SAMD12: variants seen among roughly 807,000 people sequenced by gnomAD.
SAMD12 encodes the protein sterile alpha motif domain-containing protein 12.
SAMD12 carries 9 observed loss-of-function variants against 15.0 expected under a neutral mutation model. The ratio of observed to expected loss-of-function variants is 0.60; its 90% confidence interval spans 0.36 to 1.05. The LOEUF (loss-of-function observed/expected upper bound fraction) is 1.05, where lower values mean the gene tolerates loss of function less well. SAMD12 is among the 50% of genes least tolerant of loss of function. The probability of loss-of-function intolerance (pLI) is 0.01; values close to 1 mark genes in which losing one functional copy is unlikely to be tolerated. For synonymous variants in SAMD12, 86 were observed against 90.1 expected, an observed-to-expected ratio of 0.96 and a Z score of 0.25; for missense variants, 230 against 234.2, an observed-to-expected ratio of 0.98 and a Z score of 0.12.
the SAMD12 span, among the ~76,000 whole-genome samples, chr8:118,169,263 A>G: frequency 6.6e-6 from 1 of 152,236 alleles, no homozygotes; most frequent in Non-Finnish European, 1.5e-5. Context: ...TTAAAGTCCA[A>G]GAAACACAGT....
chr8:118,582,325 G>T (rs1224563569), intron 1 of SAMD12, among the ~76,000 whole-genome samples: 1 of 152,128 alleles, frequency 6.6e-6, no homozygotes, highest in African/African-American at 2.4e-5. Context: ...CACAGAAACT[G>T]ATGAGACATC....
the SAMD12 span, among the ~76,000 whole-genome samples, chr8:118,133,737 A>C: frequency 6.6e-6 from 1 of 151,818 alleles, no homozygotes; most frequent in African/African-American, 2.4e-5. Flanking sequence ...GTCTACCTTA[A>C]AAGTGGGTGG....
chr8:118,531,874 CAGGGACA>C (rs1825695224), intron 2 of SAMD12, among the ~76,000 whole-genome samples: 1 of 152,184 alleles, frequency 6.6e-6, no homozygotes, highest in African/African-American at 2.4e-5. Flanking sequence ...CAACTGCAAA[CAGGGACA>C]ATTCGACTTC....
chr8:118,618,835 T>A (rs1828315700), intron 1 of SAMD12, among the ~76,000 whole-genome samples: 1 of 103,122 alleles, frequency 9.7e-6, no homozygotes, highest in African/African-American at 2.9e-5. Flanking sequence ...CAAGACTCCG[T>A]CTCAAAAAAA....
At chr8:118,137,940 C>T in the SAMD12 span, among the ~76,000 whole-genome samples, 4 of 137,902 alleles carry the variant, frequency 2.9e-5, 1 homozygote, top group African/African-American at 5.4e-5. Flanking sequence ...TTTTTTTTTA[C>T]TTATGAGCTA....
At chr8:118,515,349 A>G (rs577404292) in intron 2 of SAMD12, among the ~76,000 whole-genome samples, 1 of 152,032 alleles carries the variant, frequency 6.6e-6, no homozygotes, top group Admixed American at 6.6e-5. Flanking sequence ...GGCTCCAGCC[A>G]CGTAAGATGC....
intron 4 of SAMD12, among the ~76,000 whole-genome samples, chr8:118,303,142 C>T (rs1204449807): frequency 6.6e-6 from 1 of 152,186 alleles, no homozygotes; most frequent in African/African-American, 2.4e-5. Context: ...TCATCCCCTT[C>T]AACACAGGAA....
chr8:118,272,453 C>T (rs756709658), intron 4 of SAMD12, among the ~76,000 whole-genome samples: 1 of 152,192 alleles, frequency 6.6e-6, no homozygotes, highest in African/African-American at 2.4e-5. Context: ...TCTGACTTAC[C>T]CTGGAGACAT....
intron 4 of SAMD12, among the ~76,000 whole-genome samples, chr8:118,315,214 C>T (rs1815832866): frequency 6.6e-6 from 1 of 152,176 alleles, no homozygotes; most frequent in Non-Finnish European, 1.5e-5. Context: ...TTCTCAACTG[C>T]TTTTTGTAGC....
At chr8:118,170,336 C>T in the SAMD12 span, among the ~76,000 whole-genome samples, 7,378 of 152,120 alleles carry the variant, frequency 0.049, 597 homozygotes, top group African/African-American at 0.17. Flanking sequence ...ACTGATATAT[C>T]TTATAAAATG....
the SAMD12 span, among the ~76,000 whole-genome samples, chr8:118,162,334 T>C: frequency 6.7e-6 from 1 of 149,986 alleles, no homozygotes; most frequent in Non-Finnish European, 1.5e-5. Flanking sequence ...TTTATTGTAA[T>C]GTAAAGTGTA....
At chr8:118,305,144 C>CA (rs56200866) in intron 4 of SAMD12, among the ~76,000 whole-genome samples, 674 of 48,876 alleles carry the variant, frequency 0.014, 154 homozygotes, top group Middle Eastern at 0.043. Flanking sequence ...GACTCCCTGT[C>CA]AAAAAAAAAA....
chr8:118,507,993 T>TTTTTC (rs1824968777), intron 2 of SAMD12, among the ~76,000 whole-genome samples: 1 of 135,758 alleles, frequency 7.4e-6, no homozygotes. Context: ...ATAATCTCCT[T>TTTTTC]TTTTTTTTTT....
chr8:118,491,809 G>A (rs751743468), intron 2 of SAMD12, among the ~76,000 whole-genome samples: 8 of 152,090 alleles, frequency 5.3e-5, no homozygotes, highest in Non-Finnish European at 7.4e-5. Flanking sequence ...AGAGAAGCCC[G>A]TTGTATAAAT....
chr8:118,586,132 T>A (rs1237739765), intron 1 of SAMD12, among the ~76,000 whole-genome samples: 1 of 152,270 alleles, frequency 6.6e-6, no homozygotes, highest in East Asian at 1.9e-4. Flanking sequence ...AACCCCCACA[T>A]AGAAACTGCA....
downstream of SAMD12, among the ~76,000 whole-genome samples, chr8:118,374,249 T>C (rs1311456495): frequency 6.6e-6 from 1 of 152,178 alleles, no homozygotes; most frequent in African/African-American, 2.4e-5. Context: ...TTTGTCCTTT[T>C]GTGACTCGCT....
intron 2 of SAMD12, among the ~76,000 whole-genome samples, chr8:118,460,186 A>G (rs1225127419): frequency 6.6e-6 from 1 of 152,218 alleles, no homozygotes; most frequent in African/African-American, 2.4e-5. Flanking sequence ...ATGAATTACT[A>G]TAATTCACAT....
intron 3 of SAMD12, among the ~76,000 whole-genome samples, chr8:118,381,528 T>C (rs1182587156): frequency 6.6e-6 from 1 of 152,140 alleles, no homozygotes; most frequent in Non-Finnish European, 1.5e-5. Flanking sequence ...TATCTTTCAT[T>C]ATCCAGGTGA....
intron 4 of SAMD12, among the ~76,000 whole-genome samples, chr8:118,225,469 G>C (rs17485163): frequency 0.028 from 4,311 of 152,228 alleles, 199 homozygotes; most frequent in African/African-American, 0.097. Context: ...CTGGCTCCTA[G>C]AAAGGATCTG....
Sources: allele counts gnomAD v4.1 joint callset (sites outside exome capture counted in the v4.1 genomes callset), GRCh38; gene constraint gnomAD v4.1.1; transcripts MANE v1.5; gene names NCBI Gene and HGNC (gene_info 2026-07-23, HGNC 2026-07-21).